Variants in NRXN1 observed in about 807,000 individuals in gnomAD.
The protein encoded by NRXN1 is neurexin 1, also known as neurexin-1.
NRXN1 carries 39 observed loss-of-function variants against 150.9 expected under a neutral mutation model. The observed-to-expected ratio is 0.26, with a 90% confidence interval of 0.20 to 0.34. NRXN1 has a LOEUF of 0.34. Among genes scored for constraint, NRXN1 ranks in the 10% least tolerant of loss-of-function variants. The pLI is 1.00. For synonymous variants in NRXN1, 924 were observed against 757.0 expected (o/e 1.22, Z -3.62); for missense variants, 1,815 against 1,949.9 (o/e 0.93, Z 1.30).
At chr2:50,461,809 T>C (rs1413162557) in intron 17 of NRXN1, among the ~76,000 whole-genome samples, 1 of 151,876 alleles carries the variant, frequency 6.6e-6, no homozygotes, top group African/African-American at 2.4e-5. Flanking sequence ...AGAGTTTTAG[T>C]AGAGATTGAA....
chr2:50,416,499 T>C (rs1369241734), intron 17 of NRXN1, among the ~76,000 whole-genome samples: 2 of 152,120 alleles, frequency 1.3e-5, no homozygotes, highest in African/African-American at 4.8e-5. Flanking sequence ...CCTTCTATTT[T>C]AGGAGACATA....
intron 5 of NRXN1, among the ~76,000 whole-genome samples, chr2:50,727,480 C>T (rs540592194): frequency 1.3e-5 from 2 of 151,872 alleles, no homozygotes; most frequent in African/African-American, 4.8e-5. Context: ...TTCCGTATGG[C>T]TAAAAACAAA....
Position 50,157,915 on chromosome 2 carries a change from G to C in NRXN1, c.3547-66421C>G, listed in dbSNP as rs547010111. Among the ~76,000 whole-genome samples the C allele has an allele frequency of 2.6e-5, 4 of 151,806 alleles. 1 individual carries two copies. Among genetic ancestry groups the C allele is most frequent in the African/African-American group, 7.2e-5 (3 of 41,420 alleles). On this transcript the variant is annotated intron_variant, in intron 18 of 22. Transcript: ENST00000401669. ...CATTTCATGACTGGGATTAGAGCTGGGGATATGGATTTAGGAGTAATCCCC... is the reference window on the plus strand; with the variant it reads ...CATTTCATGACTGGGATTAGAGCTGCGGATATGGATTTAGGAGTAATCCCC...
At chr2:50,038,213 G>A (rs367810203) in intron 21 of NRXN1, among the ~76,000 whole-genome samples, 84 of 152,298 alleles carry the variant, frequency 5.5e-4, no homozygotes, top group African/African-American at 1.9e-3. Flanking sequence ...TTGTGGTGGC[G>A]TCTAAGAAGG....
At chr2:50,441,954 T>C (rs1356736223) in intron 17 of NRXN1, among the ~76,000 whole-genome samples, 1 of 152,134 alleles carries the variant, frequency 6.6e-6, no homozygotes, top group African/African-American at 2.4e-5. Flanking sequence ...TTCCAAGCAC[T>C]GTTATATGTT....
rs2089400296 is a variant in NRXN1, at chr2:50,470,963, TAA to T, written c.3244+1333_3244+1334del. Among the ~76,000 whole-genome samples the T allele has an allele frequency of 4.0e-5, 6 of 151,854 alleles. No individual in the cohort carries two copies. In the South Asian group the frequency reaches 1.2e-3, roughly 31 times the overall value. On this transcript the variant is annotated intron_variant, in intron 16 of 22. Transcript: ENST00000401669. ...GGTGATACAAGAAACTTGTTTTTGC[TAA>T]AACAGACTGAAAATATACAGGATAC...
chr2:50,091,489 C>G lies in NRXN1; in HGVS notation c.3552G>C (p.Gln1184His), dbSNP rs886056169. Reference sequence around the variant, plus strand: ...CATTAAACTTAACTCCAATTTTTCCCTGGTGCTGTAAGAGAGGAGGGGAAA... The same window carrying G: ...CATTAAACTTAACTCCAATTTTTCCGTGGTGCTGTAAGAGAGGAGGGGAAA... ...LGDYLELHIH[Q>H]GKIGVKFNVG... Residue 1184 changes from glutamine to histidine, a missense_variant, in exon 19 of 23, where the codon CAG becomes CAC. This residue lies in a region of NRXN1 where 339 missense variants were observed against 440.3 expected (regional missense o/e 0.77). Transcript: ENST00000401669. 1.9e-6 allele frequency: 3 copies of G among 1,614,080 alleles called. No individual in the cohort carries two copies. Among genetic ancestry groups the G allele is most frequent in the Non-Finnish European group, 1.7e-6 (2 of 1,180,012 alleles).
At chr2:50,823,321 C>T (rs1197233078) in intron 5 of NRXN1, among the ~76,000 whole-genome samples, 2 of 152,126 alleles carry the variant, frequency 1.3e-5, no homozygotes, top group African/African-American at 4.8e-5. Context: ...GCCATCAGTG[C>T]AGACCTGGGG....
At chr2:50,835,931 T>A (rs1001305735) in intron 5 of NRXN1, among the ~76,000 whole-genome samples, 3 of 152,156 alleles carry the variant, frequency 2.0e-5, no homozygotes, top group African/African-American at 7.2e-5. Flanking sequence ...TATCAAATCT[T>A]TCTGCATTAA....
intron 18 of NRXN1, among the ~76,000 whole-genome samples, chr2:50,197,153 G>A (rs1167141208): frequency 1.3e-5 from 2 of 151,994 alleles, no homozygotes; most frequent in East Asian, 1.9e-4. Context: ...TTTTGATGAC[G>A]GTGATTTCAA....
At chr2:50,095,730 C>A (rs1340421696) in intron 18 of NRXN1, among the ~76,000 whole-genome samples, 1 of 150,470 alleles carries the variant, frequency 6.6e-6, no homozygotes, top group Admixed American at 6.6e-5. Context: ...AATTTAGAAA[C>A]AATGAGCATC....
intron 5 of NRXN1, among the ~76,000 whole-genome samples, chr2:50,624,549 G>C (rs1229256940): frequency 1.3e-5 from 2 of 152,186 alleles, no homozygotes; most frequent in East Asian, 3.9e-4. Flanking sequence ...ATCTGGTAAG[G>C]AGAAAGGGAA....
At chr2:50,945,311 A>T (rs138721322) in intron 2 of NRXN1, among the ~76,000 whole-genome samples, 1 of 152,172 alleles carries the variant, frequency 6.6e-6, no homozygotes, top group East Asian at 1.9e-4. Context: ...ACATCTCTAC[A>T]AAAATTAGCT....
At chr2:50,655,530 G>A (rs944076787) in intron 5 of NRXN1, among the ~76,000 whole-genome samples, 2 of 152,008 alleles carry the variant, frequency 1.3e-5, no homozygotes, top group African/African-American at 2.4e-5. Context: ...AAAGTGAACC[G>A]AAAGTTTTTG....
At chr2:50,812,732 G>GAGCGCA (rs1668396058) in intron 5 of NRXN1, among the ~76,000 whole-genome samples, 1 of 149,368 alleles carries the variant, frequency 6.7e-6, no homozygotes, top group Admixed American at 6.7e-5. Flanking sequence ...GAGTGTGTGT[G>GAGCGCA]TGTGTGTGTG....
In NRXN1 at chr2:50,274,582, C is replaced by T. The variant is rs186167661; in HGVS notation, c.3365-37612G>A. ...TATAATTTAAAAAAAGAGACTATTGCGGAGACTGAAAAAGAGATAGAAGGA... is the reference window on the plus strand; with the variant it reads ...TATAATTTAAAAAAAGAGACTATTGTGGAGACTGAAAAAGAGATAGAAGGA... On this transcript the variant is annotated intron_variant, in intron 17 of 22. Transcript: ENST00000401669. Among the ~76,000 whole-genome samples, 651 of 151,862 alleles carry T rather than the reference C, an allele frequency of 4.3e-3. 8 individuals are homozygous for T. The highest frequency in any genetic ancestry group is 0.014 in the African/African-American group (592 of 41,408).
intron 17 of NRXN1, among the ~76,000 whole-genome samples, chr2:50,446,185 T>C (rs957204434): frequency 1.3e-5 from 2 of 152,038 alleles, no homozygotes; most frequent in South Asian, 2.1e-4. Context: ...GAAAACCGTA[T>C]CAAAATAATG....
intron 5 of NRXN1, among the ~76,000 whole-genome samples, chr2:50,660,494 T>C (rs372208931): frequency 1.5e-4 from 23 of 152,136 alleles, no homozygotes; most frequent in African/African-American, 5.5e-4. Context: ...GTGCCACAAT[T>C]AAGTCACGAC....
chr2:50,754,423 G>T (rs1700955127), intron 5 of NRXN1, among the ~76,000 whole-genome samples: 2 of 151,756 alleles, frequency 1.3e-5, no homozygotes, highest in Admixed American at 1.3e-4. Context: ...CCAAACAATT[G>T]ATTCCTTATC....
Sources: allele counts gnomAD v4.1 joint callset (sites outside exome capture counted in the v4.1 genomes callset), GRCh38; gene constraint gnomAD v4.1.1; regional missense constraint gnomAD v4.1.1; transcripts MANE v1.5; gene names NCBI Gene and HGNC (gene_info 2026-07-23, HGNC 2026-07-21).